The following MRTFA variants were observed in gnomAD, a reference collection of about 807,000 sequenced individuals.
MRTFA encodes myocardin related transcription factor A.
MRTFA carries 20 observed loss-of-function variants against 83.5 expected under a neutral mutation model. That is an observed-to-expected ratio of 0.24 (90% CI 0.17 to 0.35). The LOEUF is 0.35. MRTFA is among the 10% of genes least tolerant of loss of function. The probability of loss-of-function intolerance (pLI) is 1.00; values close to 1 mark genes in which losing one functional copy is unlikely to be tolerated. For missense variants in MRTFA, 1,200 were observed against 1,224.7 expected (o/e 0.98, Z 0.30); for synonymous variants, 659 against 541.2 (o/e 1.22, Z -3.02).
chr22:40,558,067 G>A lies in MRTFA; in HGVS notation c.-21-5700C>T, dbSNP rs116156099. On this transcript the variant is annotated intron_variant, in intron 2 of 14. Coordinates refer to ENST00000355630, the MANE Select transcript of MRTFA (RefSeq NM_020831.6). ...GGAATTACAGGCATGAGAGCTCACC[G>A]AGTCCAGCCTTTTTCTTTCTTTCTT... is the stretch of plus-strand genomic sequence containing the variant. 4.4e-3 allele frequency among the ~76,000 whole-genome samples: 667 copies of A among 151,164 alleles called. 7 individuals are homozygous for A. The highest frequency in any genetic ancestry group is 0.015 in the African/African-American group (638 of 41,206).
At chr22:40,627,464 T>C (rs545642820) in intron 1 of MRTFA, among the ~76,000 whole-genome samples, 2 of 152,220 alleles carry the variant, frequency 1.3e-5, no homozygotes, top group African/African-American at 4.8e-5. Context: ...GTTACTATTA[T>C]AGTTTTCCAC....
rs559837557 is a variant in MRTFA at position 40,465,512 on chromosome 22, T to C, written c.242-2226A>G. Among the ~76,000 whole-genome samples, 6 of 152,276 alleles carry C rather than the reference T, an allele frequency of 3.9e-5. No homozygotes were observed. In the East Asian group the frequency reaches 9.6e-4, roughly 24 times the overall value. On this transcript the variant is annotated intron_variant, in intron 3 of 14. Transcript: ENST00000355630. ...ACTCTGTGCCAGACACTGTTTTACA[T>C]TCTTTTATATTTTAACTTACTCTTC...
intron 4 of MRTFA, among the ~76,000 whole-genome samples, chr22:40,441,744 G>A (rs183787490): frequency 1.3e-5 from 2 of 151,874 alleles, no homozygotes; most frequent in East Asian, 1.9e-4. Flanking sequence ...CCGAGACCGT[G>A]ACACTGTACT....
intron 3 of MRTFA, among the ~76,000 whole-genome samples, chr22:40,494,906 G>A (rs148371030): frequency 1.3e-5 from 2 of 152,228 alleles, no homozygotes; most frequent in African/African-American, 4.8e-5. Context: ...GAGGCATAAT[G>A]GAATTTTGGG....
rs186706334 is a variant in MRTFA at position 40,479,386 on chromosome 22, C to A, written c.242-16100G>T. ...GTAAATCAGACACCACCTCCTCACA[C>A]CCAACTATAAAATCTGGGGCATCCG... is the stretch of plus-strand genomic sequence containing the variant. On this transcript the variant is annotated intron_variant, in intron 3 of 14. Transcript: ENST00000355630. Among the ~76,000 whole-genome samples, 1,018 of 152,230 alleles carry A rather than the reference C, an allele frequency of 6.7e-3. 5 individuals carry two copies. The highest frequency in any genetic ancestry group is 0.025 in the South Asian group (120 of 4,826).
At chr22:40,533,820 A>C (rs748241929) in intron 3 of MRTFA, 66 of 395,572 alleles carry the variant, frequency 1.7e-4, no homozygotes, top group Middle Eastern at 6.4e-4. Context: ...TCAAGATGAC[A>C]CAGATTTGAA....
chr22:40,471,219 T>TAAAAA (rs61206773), intron 3 of MRTFA, among the ~76,000 whole-genome samples: 3 of 42,668 alleles, frequency 7.0e-5, no homozygotes, highest in Non-Finnish European at 1.2e-4. Context: ...CTGTTTCTAT[T>TAAAAA]AAAAAAAAAA....
At chr22:40,553,206 A>G (rs6001962) in intron 2 of MRTFA, among the ~76,000 whole-genome samples, 15,299 of 152,274 alleles carry the variant, frequency 0.1, 923 homozygotes, top group East Asian at 0.25. Flanking sequence ...AATCTGCAGC[A>G]TGATGATGCA....
intron 7 of MRTFA, among the ~76,000 whole-genome samples, chr22:40,426,527 C>T (rs2052957339): frequency 6.6e-6 from 1 of 152,188 alleles, no homozygotes; most frequent in African/African-American, 2.4e-5. Context: ...GCTCTGTGCT[C>T]CTTAAAGTCC....
chr22:40,602,820 C>G (rs111881248), intron 1 of MRTFA, among the ~76,000 whole-genome samples: 1 of 152,234 alleles, frequency 6.6e-6, no homozygotes, highest in Admixed American at 6.5e-5. Context: ...GCACTCCAGC[C>G]TGGGTGACAG....
At chr22:40,596,336 T>C (rs1035650170) in intron 1 of MRTFA, among the ~76,000 whole-genome samples, 2 of 152,176 alleles carry the variant, frequency 1.3e-5, no homozygotes, top group African/African-American at 4.8e-5. Flanking sequence ...AGAGAAACAA[T>C]TCCCAATTAA....
Position 40,423,572 on chromosome 22 carries a change from A to G in MRTFA, c.891T>C (p.Thr297=). ...TGGGGGTGGACTTGGCAGTGGGGAT[A>G]GTGGTTCCATTGGTGAGGCTGGGAG... Residue 297 remains threonine, a synonymous_variant, in exon 9 of 15, where the codon ACT becomes ACC. Transcript: ENST00000355630. 1 of 1,587,490 alleles carries G rather than the reference A, an allele frequency of 6.3e-7. No homozygotes were observed. The highest frequency in any genetic ancestry group is 8.6e-7 in the Non-Finnish European group (1 of 1,165,550).
At chr22:40,524,631 T>C (rs543249674) in intron 3 of MRTFA, among the ~76,000 whole-genome samples, 1 of 152,282 alleles carries the variant, frequency 6.6e-6, no homozygotes, top group South Asian at 2.1e-4. Context: ...ATGGAGTGCC[T>C]CCTTATCATG....
At chr22:40,469,889 G>A (rs138168666) in intron 3 of MRTFA, among the ~76,000 whole-genome samples, 4,545 of 152,020 alleles carry the variant, frequency 0.03, 120 homozygotes, top group Non-Finnish European at 0.04. Context: ...ACCAACCTGG[G>A]CAAAATAGCA....
chr22:40,421,143 G>A, intron 9 of MRTFA, 43 bp from the exon 10 acceptor site: 1 of 1,504,868 alleles, frequency 6.6e-7, no homozygotes. Context: ...GGCAGCCTCA[G>A]GCTTCTCGGG....
At chr22:40,494,731 C>T (rs1000727973) in intron 3 of MRTFA, among the ~76,000 whole-genome samples, 3 of 151,238 alleles carry the variant, frequency 2.0e-5, no homozygotes, top group African/African-American at 7.3e-5. Flanking sequence ...ACTACTTCAG[C>T]AATTTTTAAA....
rs371422028 is a variant in MRTFA, at chr22:40,490,061, G to A, written c.242-26775C>T. Among the ~76,000 whole-genome samples the A allele has an allele frequency of 4.0e-5, 6 of 150,946 alleles. No individual in the cohort carries two copies. In the East Asian group the frequency reaches 1.2e-3, roughly 29 times the overall value. On this transcript the variant is annotated intron_variant, in intron 3 of 14. Coordinates refer to ENST00000355630, the MANE Select transcript of MRTFA (RefSeq NM_020831.6). ...TTCTGATCCTACTTATCACAAGCCTGAATCTCTATTGCCTATAGGTTTTTT... is the reference window on the plus strand; with the variant it reads ...TTCTGATCCTACTTATCACAAGCCTAAATCTCTATTGCCTATAGGTTTTTT...
rs1376521890 is a variant in MRTFA, at chr22:40,636,465, G to A, written c.-84+13C>T. 6.6e-6 allele frequency: 1 copy of A among 152,256 alleles called. No homozygotes were observed. The highest frequency in any genetic ancestry group is 1.5e-5 in the Non-Finnish European group (1 of 68,074). The allele number at this position is 152,256 out of a possible 1,614,324, so 9.4% of individuals were successfully genotyped here. On this transcript the variant is annotated intron_variant, in intron 1 of 14. Coordinates refer to ENST00000355630, the MANE Select transcript of MRTFA (RefSeq NM_020831.6). ...CGGTGGGGGAGGGGTCCCCAACCCG[G>A]ACTCTCACTCACCGCCTCGCGCGGC...
intron 1 of MRTFA, among the ~76,000 whole-genome samples, chr22:40,605,848 G>C (rs563172732): frequency 6.6e-6 from 1 of 152,142 alleles, no homozygotes; most frequent in African/African-American, 2.4e-5. Context: ...AGGTTCCTGG[G>C]AAGCTAAAAC....
Sources: gnomAD v4.1 joint callset for allele counts (sites outside exome capture counted in the v4.1 genomes callset) on GRCh38, gnomAD v4.1.1 for gene constraint, MANE v1.5 for transcripts, NCBI Gene and HGNC (gene_info 2026-07-23, HGNC 2026-07-21) for gene names.